The following KATNB1 variants were observed in gnomAD, a reference collection of about 807,000 sequenced individuals.
The protein encoded by KATNB1 is katanin p80 WD40 repeat-containing subunit B1.
KATNB1 carries 38 observed loss-of-function variants against 82.3 expected under a neutral mutation model. The ratio of observed to expected loss-of-function variants is 0.46; its 90% CI spans 0.36 to 0.61. The LOEUF (loss-of-function observed/expected upper bound fraction) is 0.61, where lower values mean the gene tolerates loss of function less well. Ranked by LOEUF, KATNB1 falls within the 20% of genes least tolerant of loss-of-function variation. The pLI is 0.00. For synonymous variants in KATNB1, 361 were observed against 368.7 expected (o/e 0.98, Z 0.24); for missense variants, 749 against 915.7 (o/e 0.82, Z 2.35).
intron 3 of KATNB1, 80 bp downstream of exon 3, chr16:57,741,897 A>G: frequency 1.3e-6 from 2 of 1,481,478 alleles, no homozygotes; most frequent in African/African-American, 1.4e-5. Flanking sequence ...CTGAAGAGTG[A>G]GCAGCTTCTC....
At position 57,756,922 on chromosome 16, in the gene KATNB1, C is replaced by T. The variant is rs781858536; in HGVS notation, c.1944C>T (p.His648=). ...GRHGSTFREL[H]LLMASLD ...ATGGCAGTACCTTCCGCGAGCTGCACCTGCTCATGGCCAGTCTGGACTGAG... is the reference window on the plus strand; with the variant it reads ...ATGGCAGTACCTTCCGCGAGCTGCATCTGCTCATGGCCAGTCTGGACTGAG... Residue 648 remains histidine, a synonymous_variant, in exon 20 of 20, where the codon CAC becomes CAT. Coordinates refer to ENST00000379661, the MANE Select transcript of KATNB1 (RefSeq NM_005886.3). 1.2e-5 allele frequency: 18 copies of T among 1,548,538 alleles called. No individual in the cohort carries two copies. Among genetic ancestry groups the T allele is most frequent in the South Asian group, 2.4e-5 (2 of 83,824 alleles).
At chr16:57,736,399 G>A (rs764073595) in intron 1 of KATNB1, among the ~76,000 whole-genome samples, 1 of 152,142 alleles carries the variant, frequency 6.6e-6, no homozygotes, top group Non-Finnish European at 1.5e-5. Context: ...GGCTCCATGA[G>A]GAGGCCTTTT....
intron 2 of KATNB1, 93 bp downstream of exon 2, chr16:57,737,376 T>C (rs2049108997): frequency 7.1e-7 from 1 of 1,413,942 alleles, no homozygotes; most frequent in African/African-American, 1.4e-5. Flanking sequence ...TTCCTGTTCT[T>C]GGCACAGGAG....
At chr16:57,745,860 G>C (rs1321657187) in intron 4 of KATNB1, among the ~76,000 whole-genome samples, 7 of 151,670 alleles carry the variant, frequency 4.6e-5, no homozygotes, top group Non-Finnish European at 1.0e-4. Context: ...TTCTCTGCCA[G>C]AAGAGTAAAG....
chr16:57,744,657 C>A, intron 4 of KATNB1, 146 bp downstream of exon 4: 2 of 701,092 alleles, frequency 2.9e-6, no homozygotes, highest in Non-Finnish European at 5.1e-6. Context: ...GGCACCCACT[C>A]CACCCCCATT....
intron 2 of KATNB1, among the ~76,000 whole-genome samples, chr16:57,740,355 G>A (rs1567896097): frequency 6.6e-6 from 1 of 152,198 alleles, no homozygotes; most frequent in Non-Finnish European, 1.5e-5. Context: ...TATTCCTGGT[G>A]GCCCCTTGGA....
chr16:57,748,471 A>ATT (rs1567899429), intron 4 of KATNB1, among the ~76,000 whole-genome samples: 4,899 of 141,042 alleles, frequency 0.035, 125 homozygotes, highest in Non-Finnish European at 0.055. Flanking sequence ...ATTTTTTTAA[A>ATT]AAAAAAAAAA....
Position 57,753,488 on chromosome 16 carries a change from C to T in KATNB1, c.1146C>T (p.Tyr382=). 1 of 1,613,186 alleles carries T rather than the reference C, an allele frequency of 6.2e-7. No individual in the cohort carries two copies. The change falls in exon 12 of 20, where the codon TAC becomes TAT. Residue 382 remains tyrosine, a synonymous_variant. Transcript: ENST00000379661. ...CGGAGATCCAGAACGCCGAGGACTA[C>T]AACGAGATCTTCCAGCCCAAGAACA... The part of the protein sequence containing the change: ...SRAEIQNAED[Y]NEIFQPKNSI...
rs543243892 is a variant in KATNB1 at position 57,755,198 on chromosome 16, G to A, written c.1376G>A (p.Arg459Gln). ...GAGCCTGCCATCATCCCTGCCACCC[G>A]GAACGAGCCCATCGGGCTGAAGGCC... ...KAEPAIIPATRNEPIGLKASD... is the reference protein window; with the variant it reads ...KAEPAIIPATQNEPIGLKASD... Residue 459 changes from arginine to glutamine, a missense_variant, in exon 15 of 20, where the codon CGG (arginine) becomes CAG (glutamine). Arg to Gln is a conservative substitution (Grantham distance 43). Coordinates refer to ENST00000379661, the MANE Select transcript of KATNB1 (RefSeq NM_005886.3). The A allele has an allele frequency of 4.3e-6, 7 of 1,612,048 alleles. No homozygotes were observed. The East Asian group carries it at 6.7e-5, about 15-fold the overall frequency.
Position 57,752,953 on chromosome 16 carries a change from C to A in KATNB1, c.855+25C>A, listed in dbSNP as rs1294637402. 1.9e-6 allele frequency: 3 copies of A among 1,598,042 alleles called. No individual in the cohort carries two copies. The African/African-American group carries it at 4.0e-5, about 21-fold the overall frequency. ...GGTGAGAGAGCCATGGCACCCACCG[C>A]CCCCCACTCCCACAGGGCCACCCGC... On this transcript the variant is annotated intron_variant, in intron 10 of 19. Coordinates refer to ENST00000379661, the MANE Select transcript of KATNB1 (RefSeq NM_005886.3).
At chr16:57,755,621 G>C in intron 16 of KATNB1, 127 bp downstream of exon 16, 1 of 1,253,876 alleles carries the variant, frequency 8.0e-7, no homozygotes, top group Non-Finnish European at 1.1e-6. Flanking sequence ...CATCCCTGAC[G>C]TCACACCATC....
chr16:57,740,460 C>T (rs2049133587), intron 2 of KATNB1, among the ~76,000 whole-genome samples: 1 of 152,202 alleles, frequency 6.6e-6, no homozygotes, highest in Non-Finnish European at 1.5e-5. Flanking sequence ...AGGGTGGAGT[C>T]GGAGCTGGGG....
chr16:57,749,046 A>T (rs2049204880), intron 4 of KATNB1, among the ~76,000 whole-genome samples: 1 of 152,208 alleles, frequency 6.6e-6, no homozygotes, highest in South Asian at 2.1e-4. Flanking sequence ...TGAATTGGAT[A>T]TGCATTCGAC....
chr16:57,744,334 A>C, intron 3 of KATNB1, 60 bp from the exon 4 acceptor site: 12 of 1,420,520 alleles, frequency 8.4e-6, no homozygotes, highest in Non-Finnish European at 1.2e-5. Context: ...CTTGGAATTC[A>C]GGGCGCAACT....
intron 4 of KATNB1, 28 bp from the exon 5 acceptor site, chr16:57,750,799 C>T (rs201029720): frequency 1.9e-6 from 3 of 1,582,714 alleles, no homozygotes; most frequent in Non-Finnish European, 2.6e-6. Context: ...TGCCTCTTAG[C>T]CACTGTCTCT....
chr16:57,750,260 CTG>C (rs1555582642), intron 4 of KATNB1, among the ~76,000 whole-genome samples: 1 of 152,210 alleles, frequency 6.6e-6, no homozygotes, highest in Admixed American at 6.5e-5. Flanking sequence ...GGAGCACAGT[CTG>C]TGGGGAGAGT....
chr16:57,738,241 A>G (rs2967129), intron 2 of KATNB1, among the ~76,000 whole-genome samples: 7,193 of 148,358 alleles, frequency 0.048, 471 homozygotes, highest in East Asian at 0.25. Context: ...GGTTTTCAGG[A>G]GCTGGGACAA....
At position 57,740,005 on chromosome 16, in the gene KATNB1, C is replaced by T. The variant is rs535749352; in HGVS notation, c.41-1682C>T. On this transcript the variant is annotated intron_variant, in intron 2 of 19. Transcript: ENST00000379661. The stretch of plus-strand genomic sequence containing the variant: ...CCAGGGGGAGCGAGCAGTGCCTCCA[C>T]GGAGAGGACACCAGGCTCGGGCACG... Among the ~76,000 whole-genome samples, 15 of 152,290 alleles carry T rather than the reference C, an allele frequency of 9.8e-5. No homozygotes were observed. The South Asian group carries it at 1.9e-3, about 19-fold the overall frequency.
intron 2 of KATNB1, 40 bp from the exon 3 acceptor site, chr16:57,741,647 G>A (rs781817228): frequency 9.4e-6 from 15 of 1,587,592 alleles, no homozygotes; most frequent in Admixed American, 5.1e-5. Context: ...AGGCCCCATC[G>A]GGCCGCCCTG....
Sources: gnomAD v4.1 joint callset for allele counts (sites outside exome capture counted in the v4.1 genomes callset) on GRCh38, gnomAD v4.1.1 for gene constraint, MANE v1.5 for transcripts, NCBI Gene and HGNC (gene_info 2026-07-23, HGNC 2026-07-21) for gene names.